The following SHCBP1 variants were observed in gnomAD, a reference collection of about 807,000 sequenced individuals.
The protein encoded by SHCBP1 is SHC binding and spindle associated 1.
SHCBP1 carries 60 observed loss-of-function variants against 75.1 expected under a neutral mutation model. The ratio of observed to expected loss-of-function variants is 0.80; its 90% confidence interval spans 0.65 to 0.99. The LOEUF is 0.99. Ranked by LOEUF, SHCBP1 falls within the 50% of genes least tolerant of loss-of-function variation. The probability of loss-of-function intolerance (pLI) is 0.00; values close to 1 mark genes in which losing one functional copy is unlikely to be tolerated. For synonymous variants in SHCBP1, 290 were observed against 293.2 expected, an observed-to-expected ratio of 0.99 and a Z score of 0.11; for missense variants, 709 against 809.4, an observed-to-expected ratio of 0.88 and a Z score of 1.50.
rs779597367 is a variant in SHCBP1, at chr16:46,581,742, G to A, written c.2006C>T (p.Thr669Ile). The A allele has an allele frequency of 8.1e-6, 13 of 1,613,042 alleles. No individual in the cohort carries two copies. The highest frequency in any genetic ancestry group is 1.0e-5 in the Non-Finnish European group (12 of 1,179,220). ...ACATCACTGTAGTCAGAAAAGAAAT[G>A]TGCCAAAACTACCTTTCCCATTCCA... ...FKWNGKGSFG[T>I]FLF Residue 669 changes from threonine (T) to isoleucine (I), a missense_variant, in exon 13 of 13, where the codon ACA becomes ATA. By Grantham distance (89) the Thr-to-Ile change is moderately conservative. Coordinates refer to ENST00000303383, the MANE Select transcript of SHCBP1 (RefSeq NM_024745.5).
intron 4 of SHCBP1, among the ~76,000 whole-genome samples, chr16:46,611,898 T>C (rs1032939405): frequency 2.6e-5 from 4 of 152,252 alleles, no homozygotes; most frequent in African/African-American, 7.2e-5. Flanking sequence ...GAACCTTTAT[T>C]TCATTAGTGG....
intron 10 of SHCBP1, among the ~76,000 whole-genome samples, chr16:46,593,447 T>G (rs1188192121): frequency 6.6e-6 from 1 of 152,088 alleles, no homozygotes; most frequent in East Asian, 1.9e-4. Flanking sequence ...AAACAAAGAT[T>G]TGGCTGGGTG....
intron 9 of SHCBP1, among the ~76,000 whole-genome samples, chr16:46,596,580 C>T (rs1236206196): frequency 6.6e-6 from 1 of 151,690 alleles, no homozygotes; most frequent in Non-Finnish European, 1.5e-5. Context: ...CCACACCCAG[C>T]TAATTTTTGT....
At position 46,584,014 on chromosome 16, in the gene SHCBP1, TC is replaced by T. The variant is rs758562899; in HGVS notation, c.1539del (p.Ile514SerfsTer7). On this transcript the variant is annotated frameshift_variant, in exon 11 of 13. Transcript: ENST00000303383. LOFTEE classifies it high-confidence loss of function. ...SDNGIHHCKE[G>X]ILIKDFLDEH... is the part of the protein sequence containing the mutation. ...TGGCTGATGCTCACCTTAATGAGGA[TC>T]CCTTCCTTGCAGTGATGGATCCCAT... 1 of 1,606,566 alleles carries T rather than the reference TC, an allele frequency of 6.2e-7. No individual in the cohort carries two copies. The highest frequency in any genetic ancestry group is 8.5e-7 in the Non-Finnish European group (1 of 1,176,032).
At position 46,615,987 on chromosome 16, in the gene SHCBP1, T is replaced by C. The variant is rs769054045; in HGVS notation, c.555A>G (p.Ser185=). 29 of 1,614,052 alleles carry C rather than the reference T, an allele frequency of 1.8e-5. No homozygotes were observed. Among genetic ancestry groups the C allele is most frequent in the Non-Finnish European group, 2.3e-5 (27 of 1,180,044 alleles). Residue 185 remains serine, a synonymous_variant, in exon 4 of 13, where the codon TCA becomes TCG. Transcript: ENST00000303383. The part of the protein sequence containing the change: ...LQELWVVFDD[S]GVFDQTALAI... Reference sequence around the variant, plus strand: ...CAAGGGCTGTCTGGTCAAACACTCCTGAATCATCAAACACCACCCACAGCT... The same window carrying C: ...CAAGGGCTGTCTGGTCAAACACTCCCGAATCATCAAACACCACCCACAGCT...
At chr16:46,604,489 C>G in intron 5 of SHCBP1, 28 bp from the exon 6 acceptor site, 1 of 1,510,982 alleles carries the variant, frequency 6.6e-7, no homozygotes, top group Non-Finnish European at 9.2e-7. Flanking sequence ...AAGTGAAATC[C>G]ACTGCCTTTC....
At chr16:46,601,192 CCAG>C (rs1204259670) in intron 8 of SHCBP1, among the ~76,000 whole-genome samples, 4 of 152,000 alleles carry the variant, frequency 2.6e-5, no homozygotes, top group Non-Finnish European at 5.9e-5. Flanking sequence ...ACCAGTAATC[CCAG>C]CAACTCAGGA....
chr16:46,587,537 G>C (rs8049458), intron 10 of SHCBP1, among the ~76,000 whole-genome samples: 2,307 of 152,100 alleles, frequency 0.015, 56 homozygotes, highest in African/African-American at 0.053. Flanking sequence ...ACAGAATATA[G>C]GCAAGTTGAA....
chr16:46,614,349 G>A (rs11860636), intron 4 of SHCBP1, among the ~76,000 whole-genome samples: 150,149 of 152,338 alleles, frequency 0.99, 74,022 homozygotes, highest in East Asian at 1. Flanking sequence ...ACCAAGCAAT[G>A]TTATTTACAT....
chr16:46,602,918 A>C (rs2143000395), intron 8 of SHCBP1, among the ~76,000 whole-genome samples: 1 of 152,356 alleles, frequency 6.6e-6, no homozygotes, highest in East Asian at 1.9e-4. Context: ...GGCGTAAGCC[A>C]CCACACCCAG....
chr16:46,621,163 C>G lies in SHCBP1; in HGVS notation c.103+94G>C, dbSNP rs963942868. The G allele has an allele frequency of 6.0e-6, 7 of 1,166,438 alleles. No homozygotes were observed. The African/African-American group carries it at 9.4e-5, about 16-fold the overall frequency. The allele number at this position is 1,166,438 out of a possible 1,614,324, so 72.3% of individuals were successfully genotyped here. The stretch of plus-strand genomic sequence containing the variant: ...TTCCCGCCACCCTGGACAGACGGGT[C>G]CGGAAGGCCCGCGACCCAGGCGCCC... On this transcript the variant is annotated intron_variant, in intron 1 of 12. Coordinates refer to ENST00000303383, the MANE Select transcript of SHCBP1 (RefSeq NM_024745.5).
At position 46,616,089 on chromosome 16, in the gene SHCBP1, G is replaced by A. The variant is rs1965494789; in HGVS notation, c.453C>T (p.Asp151=). 6.2e-7 allele frequency: 1 copy of A among 1,614,222 alleles called. No individual in the cohort carries two copies. Among genetic ancestry groups the A allele is most frequent in the Non-Finnish European group, 8.5e-7 (1 of 1,180,042 alleles). ...CCATGGTAAAAGTGCTCACTTGAGAGTCACAGAGGTATGGTTCAGCAAGCC... is the reference window on the plus strand; with the variant it reads ...CCATGGTAAAAGTGCTCACTTGAGAATCACAGAGGTATGGTTCAGCAAGCC... ...VVRLAEPYLC[D]SQVSTFTMEC... is the part of the protein sequence containing the mutation. Residue 151 remains aspartate, a synonymous_variant, in exon 4 of 13, where the codon GAC becomes GAT. Coordinates refer to ENST00000303383, the MANE Select transcript of SHCBP1 (RefSeq NM_024745.5). This position sits in a 1 kb window ranked among gnomAD's most constrained non-coding sequence, Gnocchi z 4.4.
At chr16:46,582,095 G>C in intron 12 of SHCBP1, 41 bp from the exon 13 acceptor site, 1 of 1,542,514 alleles carries the variant, frequency 6.5e-7, no homozygotes, top group African/African-American at 1.4e-5. Flanking sequence ...AAATATACAA[G>C]CTAACCCAAC....
At position 46,583,657 on chromosome 16, in the gene SHCBP1, C is replaced by A; in HGVS notation, c.1552G>T (p.Asp518Tyr). 2 of 1,597,742 alleles carry A rather than the reference C, an allele frequency of 1.3e-6. No homozygotes were observed. The highest frequency in any genetic ancestry group is 1.7e-6 in the Non-Finnish European group (2 of 1,176,542). Residue 518 changes from aspartate to tyrosine, a missense_variant and splice_region_variant, in exon 12 of 13, where the codon GAC becomes TAC. Physicochemically the swap from Asp to Tyr is radical, Grantham distance 160 (BLOSUM62 -3). Coordinates refer to ENST00000303383, the MANE Select transcript of SHCBP1 (RefSeq NM_024745.5). The stretch of plus-strand genomic sequence containing the variant: ...ATGTCATAATGTTCATCTAAGAAGT[C>A]CTGTGACATTGAAAACAAATGTTTT... ...HHCKEGILIK[D>Y]FLDEHYDIPK... is the part of the protein sequence containing the mutation.
chr16:46,619,801 G>A (rs537026417), intron 1 of SHCBP1, among the ~76,000 whole-genome samples: 37 of 152,218 alleles, frequency 2.4e-4, no homozygotes, highest in Non-Finnish European at 3.8e-4. Flanking sequence ...TTGGGAGGCC[G>A]AGATGGGCGG....
chr16:46,617,012 C>T (rs184551878), intron 3 of SHCBP1, among the ~76,000 whole-genome samples: 1 of 152,292 alleles, frequency 6.6e-6, no homozygotes, highest in African/African-American at 2.4e-5. Context: ...TTTTAGTTTA[C>T]TAGGGCTTTT....
At chr16:46,605,003 T>C (rs1596682973) in intron 5 of SHCBP1, among the ~76,000 whole-genome samples, 1 of 152,156 alleles carries the variant, frequency 6.6e-6, no homozygotes, top group Non-Finnish European at 1.5e-5. Flanking sequence ...CTCCTTCCAT[T>C]TAAAGCACTA....
chr16:46,589,838 C>T (rs1402778461), intron 10 of SHCBP1, among the ~76,000 whole-genome samples: 1 of 152,110 alleles, frequency 6.6e-6, no homozygotes, highest in Non-Finnish European at 1.5e-5. Context: ...TCATATGGAA[C>T]CAAAAAAGAG....
chr16:46,603,449 A>C, intron 8 of SHCBP1, 90 bp downstream of exon 8: 1 of 1,560,852 alleles, frequency 6.4e-7, no homozygotes, highest in Non-Finnish European at 8.8e-7. Context: ...GGTTCAAATC[A>C]CATTCTTGGA....
Sources: gnomAD v4.1 joint callset for allele counts (sites outside exome capture counted in the v4.1 genomes callset) on GRCh38, gnomAD v4.1.1 for gene constraint, Gnocchi (gnomAD v3.1) non-coding constraint, MANE v1.5 for transcripts, NCBI Gene and HGNC (gene_info 2026-07-23, HGNC 2026-07-21) for gene names.